The following CLUL1 variants were observed in gnomAD, a reference collection of about 807,000 sequenced individuals.
The protein encoded by CLUL1 is clusterin-like protein 1.
A neutral mutation model predicts 49.4 loss-of-function variants in CLUL1; 43 were observed. The ratio of observed to expected loss-of-function variants is 0.87; its 90% CI spans 0.68 to 1.12. CLUL1 has a LOEUF of 1.12. Among genes scored for constraint, CLUL1 ranks in the 50% most tolerant of loss-of-function variants. The pLI is 0.00. For missense variants in CLUL1, 486 were observed against 544.4 expected (o/e 0.89, Z 1.07); for synonymous variants, 192 against 184.9 (o/e 1.04, Z -0.31).
At position 617,868 on chromosome 18, in the gene CLUL1, C is replaced by T. The variant is rs1457793207; in HGVS notation, c.-13-120C>T. 7 of 764,600 alleles carry T rather than the reference C, an allele frequency of 9.2e-6. No individual in the cohort carries two copies. In the Admixed American group the frequency reaches 1.7e-4, roughly 19 times the overall value. 47.4% of individuals were successfully genotyped at this position (764,600 alleles called of 1,614,324 possible). On this transcript the variant is annotated intron_variant, in intron 2 of 9. Transcript: ENST00000692774. ...TCTCAGGCACATTAGCATAAGTTGT[C>T]TAAAGTCATAAGGAAAAATTGACAG...
At chr18:626,739 T>C (rs963312851) in intron 5 of CLUL1, among the ~76,000 whole-genome samples, 1 of 149,788 alleles carries the variant, frequency 6.7e-6, no homozygotes, top group Non-Finnish European at 1.5e-5. Flanking sequence ...TGTGCAACTG[T>C]AATCCCAGCT....
intron 2 of CLUL1, among the ~76,000 whole-genome samples, chr18:611,451 CT>C (rs2073132725): frequency 1.3e-5 from 2 of 152,056 alleles, no homozygotes; most frequent in South Asian, 4.1e-4. Context: ...GTCATCCCAG[CT>C]ACTCAGGAGG....
intron 9 of CLUL1, among the ~76,000 whole-genome samples, chr18:646,287 A>T (rs2074504784): frequency 6.6e-6 from 1 of 152,066 alleles, no homozygotes; most frequent in Non-Finnish European, 1.5e-5. Context: ...ATTAAGCCAG[A>T]TGTGACAGGA....
chr18:649,120 G>A (rs996005022), intron 9 of CLUL1, among the ~76,000 whole-genome samples: 1 of 151,734 alleles, frequency 6.6e-6, no homozygotes, highest in Non-Finnish European at 1.5e-5. Flanking sequence ...ATAAAATTTT[G>A]TCAATTTTCT....
intron 1 of CLUL1, chr18:597,966 C>G (rs1313446012): frequency 6.6e-6 from 1 of 152,184 alleles, no homozygotes; most frequent in Non-Finnish European, 1.5e-5. Context: ...CTACTTTCCA[C>G]GTACAGATTT....
At chr18:635,908 T>C (rs2074123599) in intron 7 of CLUL1, among the ~76,000 whole-genome samples, 1 of 152,108 alleles carries the variant, frequency 6.6e-6, no homozygotes, top group African/African-American at 2.4e-5. Context: ...GGCTGATTTT[T>C]GTATTTTTAG....
chr18:605,873 G>A (rs950573778), intron 1 of CLUL1, among the ~76,000 whole-genome samples: 3 of 151,996 alleles, frequency 2.0e-5, no homozygotes, highest in African/African-American at 7.2e-5. Context: ...ATGGGATTTT[G>A]CCATGTTGCC....
intron 6 of CLUL1, among the ~76,000 whole-genome samples, chr18:631,380 G>A (rs372929974): frequency 1.3e-5 from 2 of 149,784 alleles, no homozygotes; most frequent in African/African-American, 4.9e-5. Context: ...TGCGGGGGCC[G>A]GGAGACCTGG....
chr18:631,272 G>A (rs1239261728), intron 6 of CLUL1, among the ~76,000 whole-genome samples: 1 of 152,126 alleles, frequency 6.6e-6, no homozygotes, highest in Non-Finnish European at 1.5e-5. Flanking sequence ...TGTTGAAAGC[G>A]AATAGGTCCA....
chr18:648,581 G>GATAT (rs147379880), intron 9 of CLUL1, among the ~76,000 whole-genome samples: 4,254 of 148,280 alleles, frequency 0.029, 73 homozygotes, highest in Non-Finnish European at 0.045. Flanking sequence ...TATTGTTCTG[G>GATAT]ATATATATAT....
intron 9 of CLUL1, among the ~76,000 whole-genome samples, chr18:646,798 G>C (rs2074521650): frequency 6.7e-6 from 1 of 148,494 alleles, no homozygotes; most frequent in Non-Finnish European, 1.5e-5. Context: ...CACCCATACT[G>C]GAGTACAGTG....
chr18:597,225 G>C (rs2072675412), intron 1 of CLUL1, 96 bp downstream of exon 1: 1 of 152,768 alleles, frequency 6.5e-6, no homozygotes, highest in Non-Finnish European at 1.5e-5. Flanking sequence ...CCAAGGCCGA[G>C]CTCCGCAGAC....
chr18:647,274 T>C (rs1252238972), intron 9 of CLUL1, among the ~76,000 whole-genome samples: 1 of 152,002 alleles, frequency 6.6e-6, no homozygotes, highest in African/African-American at 2.4e-5. Flanking sequence ...CTGAGGGTGC[T>C]GGGAAGTCCT....
chr18:644,835 T>G, intron 8 of CLUL1, 75 bp from the exon 9 acceptor site: 1 of 1,165,496 alleles, frequency 8.6e-7, no homozygotes, highest in Non-Finnish European at 1.2e-6. Flanking sequence ...CTATCCTGAC[T>G]AAGGTGGTAT....
intron 5 of CLUL1, among the ~76,000 whole-genome samples, chr18:625,481 C>A (rs1176298448): frequency 6.6e-6 from 1 of 151,288 alleles, no homozygotes. Flanking sequence ...CTCTGCCTCC[C>A]AAATCTTACC....
intron 1 of CLUL1, among the ~76,000 whole-genome samples, chr18:601,481 T>G (rs1008348402): frequency 1.3e-5 from 2 of 152,062 alleles, no homozygotes; most frequent in African/African-American, 4.8e-5. Flanking sequence ...GCCCTGTCTC[T>G]ACTAAAAATA....
chr18:639,567 C>T (rs181989048), intron 7 of CLUL1, among the ~76,000 whole-genome samples: 3 of 151,868 alleles, frequency 2.0e-5, no homozygotes, highest in Non-Finnish European at 2.9e-5. Flanking sequence ...GAGTTCGAGA[C>T]CAGCCTGGTC....
Position 624,882 on chromosome 18 carries a change from G to A in CLUL1, c.273G>A (p.Leu91=). The change falls in exon 5 of 10, where the codon CTG becomes CTA. Residue 91 remains leucine, a synonymous_variant. Coordinates refer to ENST00000692774, the MANE Select transcript of CLUL1 (RefSeq NM_001393344.1). ...TTAACTAGGAGGCCCTGAAACTTCT[G>A]AATGAAGTTCAAGAACATCTGGAGG... The part of the protein sequence containing the change: ...REEKQEALKL[L]NEVQEHLEEE... 1 of 1,613,904 alleles carries A rather than the reference G, an allele frequency of 6.2e-7. No individual in the cohort carries two copies. The highest frequency in any genetic ancestry group is 8.5e-7 in the Non-Finnish European group (1 of 1,179,940).
chr18:620,019 T>C (rs2073442183), intron 4 of CLUL1, among the ~76,000 whole-genome samples: 1 of 152,128 alleles, frequency 6.6e-6, no homozygotes, highest in African/African-American at 2.4e-5. Context: ...CCAGAGATTT[T>C]TGGTCTCTCA....
Sources: allele counts gnomAD v4.1 joint callset (sites outside exome capture counted in the v4.1 genomes callset), GRCh38; gene constraint gnomAD v4.1.1; transcripts MANE v1.5; gene names NCBI Gene and HGNC (gene_info 2026-07-23, HGNC 2026-07-21).